CCDC178: variants seen among roughly 807,000 people sequenced by gnomAD.
CCDC178 encodes the protein coiled-coil domain-containing protein 178.
CCDC178 carries 126 observed loss-of-function variants against 117.4 expected under a neutral mutation model. The observed-to-expected ratio is 1.07, with a 90% CI of 0.93 to 1.24. The LOEUF (loss-of-function observed/expected upper bound fraction) is 1.24, where lower values mean the gene tolerates loss of function less well. Among genes scored for constraint, CCDC178 ranks in the 50% most tolerant of loss-of-function variants. The probability of loss-of-function intolerance (pLI) is 0.00; values close to 1 mark genes in which losing one functional copy is unlikely to be tolerated. For missense variants in CCDC178, 1,030 were observed against 986.9 expected (o/e 1.04, Z -0.59); for synonymous variants, 283 against 313.4 (o/e 0.90, Z 1.02).
intron 21 of CCDC178, among the ~76,000 whole-genome samples, chr18:33,017,854 T>C (rs2056026180): frequency 6.6e-6 from 1 of 151,940 alleles, no homozygotes; most frequent in African/African-American, 2.4e-5. Flanking sequence ...ATGAAAATCT[T>C]CGTAATTTTG....
chr18:33,361,959 C>T (rs1396913640), intron 6 of CCDC178, among the ~76,000 whole-genome samples: 2 of 151,406 alleles, frequency 1.3e-5, no homozygotes, highest in Admixed American at 6.6e-5. Flanking sequence ...AGGTATATAC[C>T]CAAAGGAGAT....
intron 21 of CCDC178, among the ~76,000 whole-genome samples, chr18:33,038,122 A>T (rs979645927): frequency 1.4e-4 from 22 of 151,968 alleles, no homozygotes; most frequent in African/African-American, 4.1e-4. Flanking sequence ...AGCAAAAATG[A>T]TCATATTACC....
At chr18:33,253,838 G>C (rs1465223998) in intron 14 of CCDC178, among the ~76,000 whole-genome samples, 3 of 151,640 alleles carry the variant, frequency 2.0e-5, no homozygotes, top group African/African-American at 7.3e-5. Context: ...TGGGGAGGAT[G>C]GTTTCATACT....
At chr18:33,350,017 A>G (rs1314611372) in intron 7 of CCDC178, among the ~76,000 whole-genome samples, 1 of 151,930 alleles carries the variant, frequency 6.6e-6, no homozygotes, top group African/African-American at 2.4e-5. Context: ...TCAGAGAAAT[A>G]TCCTTTATAT....
rs563177979 is a variant in CCDC178 at position 33,030,406 on chromosome 18, C to G, written c.2389-55725G>C. On this transcript the variant is annotated intron_variant, in intron 21 of 22. Transcript: ENST00000383096. ...TGTAGTTGAATGTTTTCTCCTCACC[C>G]AATCCAACAATTTCTGTCTTTAGAT... Among the ~76,000 whole-genome samples, 5 of 152,124 alleles carry G rather than the reference C, an allele frequency of 3.3e-5. No individual in the cohort carries two copies. In the South Asian group the frequency reaches 1.0e-3, roughly 32 times the overall value.
intron 17 of CCDC178, 135 bp from the exon 18 acceptor site, chr18:33,223,354 C>T: frequency 9.8e-7 from 1 of 1,021,826 alleles, no homozygotes; most frequent in Non-Finnish European, 1.3e-6. Context: ...AACCATCACA[C>T]ATAAATTACA....
intron 20 of CCDC178, among the ~76,000 whole-genome samples, chr18:33,100,161 C>T (rs2057603130): frequency 6.6e-6 from 1 of 151,716 alleles, no homozygotes; most frequent in African/African-American, 2.4e-5. Context: ...CGTTAGCTGC[C>T]CTACCCCAGC....
At chr18:33,060,864 C>G (rs146260534) in intron 21 of CCDC178, among the ~76,000 whole-genome samples, 1 of 152,112 alleles carries the variant, frequency 6.6e-6, no homozygotes, top group African/African-American at 2.4e-5. Context: ...AAACAAGGCA[C>G]AAAAGCAAGA....
chr18:33,379,134 A>ATT (rs910018513), intron 5 of CCDC178, among the ~76,000 whole-genome samples: 8 of 139,132 alleles, frequency 5.7e-5, no homozygotes, highest in African/African-American at 1.8e-4. Flanking sequence ...TAATATATAT[A>ATT]TTTCCATATA....
chr18:33,313,204 G>A (rs1394545121), intron 11 of CCDC178, among the ~76,000 whole-genome samples: 1 of 152,128 alleles, frequency 6.6e-6, no homozygotes, highest in Non-Finnish European at 1.5e-5. Flanking sequence ...TGGAAGAAAG[G>A]GGCATGTTAA....
chr18:33,024,250 C>G (rs891029506), intron 21 of CCDC178, among the ~76,000 whole-genome samples: 3 of 152,190 alleles, frequency 2.0e-5, no homozygotes, highest in South Asian at 4.1e-4. Flanking sequence ...GACTGGGTAG[C>G]TTAAACAACA....
At chr18:33,170,573 C>T (rs892756628) in intron 20 of CCDC178, among the ~76,000 whole-genome samples, 1 of 151,860 alleles carries the variant, frequency 6.6e-6, no homozygotes, top group Non-Finnish European at 1.5e-5. Flanking sequence ...AATCCTATCA[C>T]TGTATACATA....
intron 20 of CCDC178, among the ~76,000 whole-genome samples, chr18:33,156,962 G>A (rs1470612515): frequency 3.9e-5 from 6 of 152,164 alleles, no homozygotes; most frequent in South Asian, 2.1e-4. Flanking sequence ...ATCTTAGAAA[G>A]GAGGAAGATA....
intron 20 of CCDC178, among the ~76,000 whole-genome samples, chr18:33,190,240 G>C (rs2058841595): frequency 6.6e-6 from 1 of 152,156 alleles, no homozygotes; most frequent in South Asian, 2.1e-4. Flanking sequence ...TAATCCTCCA[G>C]TTTCTCTTTC....
chr18:33,398,863 CAATAA>C (rs946088604), intron 3 of CCDC178, among the ~76,000 whole-genome samples: 30 of 152,062 alleles, frequency 2.0e-4, no homozygotes, highest in Non-Finnish European at 3.4e-4. Flanking sequence ...ATATCTAAAA[CAATAA>C]AATATTTCTA....
chr18:33,074,394 T>A (rs1481474932), intron 21 of CCDC178, among the ~76,000 whole-genome samples: 1 of 152,140 alleles, frequency 6.6e-6, no homozygotes, highest in African/African-American at 2.4e-5. Context: ...CATCATAGAT[T>A]AATTGCACCT....
At chr18:33,039,462 C>CA (rs2056505433) in intron 21 of CCDC178, among the ~76,000 whole-genome samples, 1 of 152,010 alleles carries the variant, frequency 6.6e-6, no homozygotes, top group South Asian at 2.1e-4. Flanking sequence ...AAGGCCAGGT[C>CA]TAGAGCTCAC....
chr18:33,028,205 T>G (rs780440174), intron 21 of CCDC178, among the ~76,000 whole-genome samples: 2 of 151,692 alleles, frequency 1.3e-5, no homozygotes, highest in Non-Finnish European at 3.0e-5. Context: ...ATGTTCATTC[T>G]TAGAATAGAT....
intron 20 of CCDC178, among the ~76,000 whole-genome samples, chr18:33,170,739 A>G (rs1334486689): frequency 2.6e-5 from 4 of 152,186 alleles, no homozygotes; most frequent in African/African-American, 9.6e-5. Flanking sequence ...GTCACATACA[A>G]AAACCACTTA....
Sources: gnomAD v4.1 joint callset for allele counts (sites outside exome capture counted in the v4.1 genomes callset) on GRCh38, gnomAD v4.1.1 for gene constraint, MANE v1.5 for transcripts, NCBI Gene and HGNC (gene_info 2026-07-23, HGNC 2026-07-21) for gene names.